TREH: variants seen among roughly 807,000 people sequenced by gnomAD.
TREH encodes the protein trehalase, also known as alpha,alpha-trehalose glucohydrolase.
In TREH, 69 loss-of-function variants were observed where a neutral mutation model predicts 80.5. The ratio of observed to expected loss-of-function variants is 0.86; its 90% CI spans 0.71 to 1.05. The LOEUF (loss-of-function observed/expected upper bound fraction) is 1.05, where lower values mean the gene tolerates loss of function less well. TREH is among the 50% of genes least tolerant of loss of function. The pLI is 0.00. For missense variants in TREH, 716 were observed against 718.8 expected (o/e 1.00, Z 0.04); for synonymous variants, 309 against 293.5 (o/e 1.05, Z -0.54).
intron 1 of TREH, among the ~76,000 whole-genome samples, chr11:118,666,314 C>G (rs149054507): frequency 2.6e-5 from 4 of 152,146 alleles, no homozygotes; most frequent in African/African-American, 9.6e-5. Flanking sequence ...ATGGGTTATA[C>G]AATGAGGGGA....
intron 9 of TREH, 47 bp downstream of exon 9, chr11:118,660,818 TG>T: frequency 2.6e-6 from 4 of 1,553,022 alleles, no homozygotes; most frequent in Non-Finnish European, 3.5e-6. Flanking sequence ...ACACAGCAGG[TG>T]TGCAGCTGCC....
chr11:118,671,438 G>A (rs1555146264), intron 1 of TREH, among the ~76,000 whole-genome samples: 1 of 151,942 alleles, frequency 6.6e-6, no homozygotes, highest in Non-Finnish European at 1.5e-5. Context: ...AATTGATCAA[G>A]CAGAAGAAAG....
In TREH at chr11:118,679,624, G is replaced by A; in HGVS notation, c.4C>T (p.Pro2Ser). ...AGGCACAGCTCCCAGGTCCTCCCTG[G>A]CATGGTGGCTGTGACTGTGACTGAA... Reference protein sequence around the residue: MPGRTWELCLLL... With the variant: MSGRTWELCLLL... The change falls in exon 1 of 15, where the codon CCA (proline) becomes TCA (serine). Residue 2 changes from proline to serine, a missense_variant. By Grantham distance (74) the Pro-to-Ser change is moderately conservative (BLOSUM62 -1). Transcript: ENST00000264029. 6.6e-7 allele frequency: 1 copy of A among 1,517,498 alleles called. No individual in the cohort carries two copies. Among genetic ancestry groups the A allele is most frequent in the South Asian group, 1.3e-5 (1 of 77,048 alleles). The allele number at this position is 1,517,498 out of a possible 1,614,324, so 94.0% of individuals were successfully genotyped here.
intron 12 of TREH, 66 bp downstream of exon 12, chr11:118,659,304 G>C (rs1305920939): frequency 2.2e-5 from 29 of 1,342,538 alleles, no homozygotes; most frequent in Non-Finnish European, 2.6e-5. Context: ...TGCCTCCCCA[G>C]CACCAGGGAG....
chr11:118,672,713 C>CAAAA (rs58199596), intron 1 of TREH, among the ~76,000 whole-genome samples: 22 of 43,888 alleles, frequency 5.0e-4, no homozygotes, highest in South Asian at 8.9e-4. Flanking sequence ...GACTCCATCT[C>CAAAA]AAAAAAAAAA....
At chr11:118,667,966 G>A (rs782731933) in intron 1 of TREH, among the ~76,000 whole-genome samples, 4 of 152,118 alleles carry the variant, frequency 2.6e-5, no homozygotes, top group Non-Finnish European at 4.4e-5. Flanking sequence ...CCTGGTTCAA[G>A]CAATTCTCAT....
Position 118,658,775 on chromosome 11 carries a change from C to T in TREH, c.1546-42G>A. On this transcript the variant is annotated intron_variant, in intron 13 of 14. Coordinates refer to ENST00000264029, the MANE Select transcript of TREH (RefSeq NM_007180.3). ...GGGCTGTATGTCAGGTACTGCCCCC[C>T]AGCTCCAGGAACAACAAACAACCAG... is the stretch of plus-strand genomic sequence containing the variant. 3 of 1,611,366 alleles carry T rather than the reference C, an allele frequency of 1.9e-6. No individual in the cohort carries two copies. The South Asian group carries it at 3.3e-5, about 18-fold the overall frequency.
chr11:118,664,190 G>A (rs1395998263), intron 1 of TREH, among the ~76,000 whole-genome samples: 3 of 152,178 alleles, frequency 2.0e-5, no homozygotes, highest in African/African-American at 4.8e-5. Context: ...CATAGAAGGG[G>A]CCCTATGAAC....
In TREH at chr11:118,661,540, T is replaced by A. The variant is rs1555144978; in HGVS notation, c.618-31A>T. On this transcript the variant is annotated intron_variant, in intron 6 of 14. Transcript: ENST00000264029. The surrounding 1 kb of genome is among the most constrained non-coding windows in gnomAD (Gnocchi z 4.2). ...AAGGGGAAGGCCTGCTGAGATGCCC[T>A]CTCCCCAGCAACTGGCACCAAGGCA... The A allele has an allele frequency of 6.2e-7, 1 of 1,612,152 alleles. No individual in the cohort carries two copies. The highest frequency in any genetic ancestry group is 8.5e-7 in the Non-Finnish European group (1 of 1,178,786).
At chr11:118,659,097 A>G in intron 12 of TREH, 80 bp from the exon 13 acceptor site, 1 of 1,420,726 alleles carries the variant, frequency 7.0e-7, no homozygotes, top group Non-Finnish European at 9.8e-7. Context: ...ACTCTCCCCA[A>G]GGAGGGAAAG....
chr11:118,664,476 G>A (rs11605801), intron 1 of TREH, among the ~76,000 whole-genome samples: 3 of 152,206 alleles, frequency 2.0e-5, no homozygotes, highest in Non-Finnish European at 4.4e-5. Flanking sequence ...CCCACCTGGG[G>A]CATAACCCTA....
intron 1 of TREH, among the ~76,000 whole-genome samples, chr11:118,672,106 A>G (rs1949434565): frequency 6.6e-6 from 1 of 152,226 alleles, no homozygotes; most frequent in African/African-American, 2.4e-5. Context: ...ACATGCAATA[A>G]GAAACCACCT....
Position 118,660,903 on chromosome 11 carries a change from G to A in TREH, c.870C>T (p.Tyr290=), listed in dbSNP as rs1555144840. Residue 290 remains tyrosine (Y), a synonymous_variant, in exon 9 of 15, where the codon TAC becomes TAT. Coordinates refer to ENST00000264029, the MANE Select transcript of TREH (RefSeq NM_007180.3). Reference sequence around the variant, plus strand: ...TGTCAGCCAACTCCACATCTTTGCTGTAGGACTCAGGCCTGGCAAAGAGGA... The same window carrying A: ...TGTCAGCCAACTCCACATCTTTGCTATAGGACTCAGGCCTGGCAAAGAGGA... ...VPYGGPRPES[Y]SKDVELADTL... 2 of 1,572,126 alleles carry A rather than the reference G, an allele frequency of 1.3e-6. No individual in the cohort carries two copies. Among genetic ancestry groups the A allele is most frequent in the South Asian group, 1.2e-5 (1 of 85,420 alleles).
chr11:118,674,560 G>A lies in TREH; in HGVS notation c.89+4979C>T, dbSNP rs1949459417. On this transcript the variant is annotated intron_variant, in intron 1 of 14. Coordinates refer to ENST00000264029, the MANE Select transcript of TREH (RefSeq NM_007180.3). The surrounding 1 kb of genome is among the most constrained non-coding windows in gnomAD (Gnocchi z 4.4). ...TTTTGTTTTGTTTTGTTTTGTTTTT[G>A]AGATGGAGTTTCGCTCTTGTTGCCC... Among the ~76,000 whole-genome samples, 1 of 152,106 alleles carries A rather than the reference G, an allele frequency of 6.6e-6. No individual in the cohort carries two copies. The highest frequency in any genetic ancestry group is 1.5e-5 in the Non-Finnish European group (1 of 68,006).
intron 13 of TREH, 84 bp from the exon 14 acceptor site, chr11:118,658,817 C>A: frequency 1.2e-6 from 2 of 1,609,218 alleles, no homozygotes; most frequent in South Asian, 1.1e-5. Context: ...TGGGGAGAAG[C>A]TGCTCTGCCT....
At chr11:118,663,031 G>C in intron 3 of TREH, 21 bp downstream of exon 3, 1 of 1,612,198 alleles carries the variant, frequency 6.2e-7, no homozygotes, top group Non-Finnish European at 8.5e-7. Flanking sequence ...ACCCTCTCTT[G>C]TTCCCCTTCC....
rs542250457 is a variant in TREH, at chr11:118,659,777, G to A, written c.1290C>T (p.Gly430=). The A allele has an allele frequency of 1.8e-5, 28 of 1,583,686 alleles. No individual in the cohort carries two copies. Among genetic ancestry groups the A allele is most frequent in the Admixed American group, 1.4e-4 (8 of 55,238 alleles). ...GGTATTTCAGAGCCTTGTCCGCCACGCCAGGGTCAGAGAAACACCCGGCCC... is the reference window on the plus strand; with the variant it reads ...GGTATTTCAGAGCCTTGTCCGCCACACCAGGGTCAGAGAAACACCCGGCCC... ...PLWAGCFSDP[G]VADKALKYLE... Residue 430 remains glycine, a synonymous_variant, in exon 11 of 15, where the codon GGC becomes GGT. Transcript: ENST00000264029.
In TREH at chr11:118,660,842, C is replaced by T. The variant is rs144622467; in HGVS notation, c.907+24G>A. 825 of 1,559,924 alleles carry T rather than the reference C, an allele frequency of 5.3e-4. 3 individuals carry two copies. In the African/African-American group the frequency reaches 9.8e-3, roughly 19 times the overall value. ...GTGTGCAGCTGCCCTGCCCCCAGCC[C>T]TCCCTCACCCTCCTGCTGCTCACCT... On this transcript the variant is annotated intron_variant, in intron 9 of 14. Transcript: ENST00000264029.
At chr11:118,675,957 C>G in intron 1 of TREH, among the ~76,000 whole-genome samples, 1 of 152,206 alleles carries the variant, frequency 6.6e-6, no homozygotes, top group East Asian at 1.9e-4. Context: ...TCCACCTCGG[C>G]CTCCCAAAGT....
Sources: gnomAD v4.1 joint callset for allele counts (sites outside exome capture counted in the v4.1 genomes callset) on GRCh38, gnomAD v4.1.1 for gene constraint, Gnocchi (gnomAD v3.1) non-coding constraint, MANE v1.5 for transcripts, NCBI Gene and HGNC (gene_info 2026-07-23, HGNC 2026-07-21) for gene names.